BABAM2: variants seen among roughly 807,000 people sequenced by gnomAD.
BABAM2 encodes the protein BRISC and BRCA1 A complex member 2.
In BABAM2, 31 loss-of-function variants were observed where a neutral mutation model predicts 54.7. That is an observed-to-expected ratio of 0.57 (90% CI 0.43 to 0.77). The LOEUF is 0.77. BABAM2 is among the 30% of genes least tolerant of loss of function. The pLI, the probability that BABAM2 is intolerant of heterozygous loss-of-function variation, is 0.00. For synonymous variants in BABAM2, 167 were observed against 162.9 expected, an observed-to-expected ratio of 1.03 and a Z score of -0.19; for missense variants, 364 against 455.8, an observed-to-expected ratio of 0.80 and a Z score of 1.83.
At chr2:27,971,568 G>A (rs534082239) in intron 3 of BABAM2, among the ~76,000 whole-genome samples, 8 of 151,896 alleles carry the variant, frequency 5.3e-5, no homozygotes, top group African/African-American at 1.4e-4. Flanking sequence ...ATCTCACTAC[G>A]ATATTTCATT....
chr2:28,225,796 C>T (rs1408824096), intron 7 of BABAM2, among the ~76,000 whole-genome samples: 1 of 151,792 alleles, frequency 6.6e-6, no homozygotes, highest in African/African-American at 2.4e-5. Flanking sequence ...AAAGCTAATT[C>T]CTGTGGTTTA....
At chr2:28,070,087 T>C (rs976777569) in intron 6 of BABAM2, among the ~76,000 whole-genome samples, 1 of 152,230 alleles carries the variant, frequency 6.6e-6, no homozygotes, top group African/African-American at 2.4e-5. Context: ...TACTGTGATT[T>C]ATATATCAAA....
intron 5 of BABAM2, among the ~76,000 whole-genome samples, chr2:28,030,289 A>G (rs745806180): frequency 7.9e-5 from 12 of 152,156 alleles, no homozygotes; most frequent in Non-Finnish European, 1.5e-4. Flanking sequence ...AATGTTACCG[A>G]TATTCCTTTC....
intron 4 of BABAM2, among the ~76,000 whole-genome samples, chr2:28,010,713 A>G (rs1198669039): frequency 2.0e-5 from 3 of 152,178 alleles, no homozygotes; most frequent in Non-Finnish European, 4.4e-5. Flanking sequence ...TCCAGAATTG[A>G]GCATCAGACA....
At chr2:28,315,066 AGGG>A (rs1689408725) in intron 11 of BABAM2, among the ~76,000 whole-genome samples, 1 of 82,000 alleles carries the variant, frequency 1.2e-5, no homozygotes, top group East Asian at 4.0e-4. Flanking sequence ...GGGAGGGGAA[AGGG>A]GGGAGGGAAG....
intron 7 of BABAM2, among the ~76,000 whole-genome samples, chr2:28,235,125 C>T (rs915059535): frequency 1.3e-5 from 2 of 152,144 alleles, no homozygotes; most frequent in African/African-American, 2.4e-5. Context: ...TTGTGTCACT[C>T]GAGATTTTGT....
intron 2 of BABAM2, among the ~76,000 whole-genome samples, chr2:27,900,563 G>A (rs544072543): frequency 5.9e-5 from 9 of 152,240 alleles, no homozygotes; most frequent in Admixed American, 6.5e-5. Flanking sequence ...ATGTAATGTA[G>A]TAAGTAGGAT....
At chr2:28,226,142 C>T (rs1053702722) in intron 7 of BABAM2, among the ~76,000 whole-genome samples, 5 of 152,282 alleles carry the variant, frequency 3.3e-5, no homozygotes, top group East Asian at 1.9e-4. Context: ...GGAACACAGC[C>T]GTGCTCATTC....
chr2:28,030,618 G>C (rs1573434413), intron 5 of BABAM2, among the ~76,000 whole-genome samples: 1 of 152,188 alleles, frequency 6.6e-6, no homozygotes, highest in African/African-American at 2.4e-5. Flanking sequence ...TGCTAATGGA[G>C]GAAAAATATA....
chr2:27,969,499 G>A (rs1418335820), intron 3 of BABAM2, among the ~76,000 whole-genome samples: 1 of 152,166 alleles, frequency 6.6e-6, no homozygotes, highest in Non-Finnish European at 1.5e-5. Context: ...CAAGGAAGTT[G>A]TTTACACATC....
intron 3 of BABAM2, among the ~76,000 whole-genome samples, chr2:27,965,964 G>A (rs987551782): frequency 2.0e-5 from 3 of 151,542 alleles, no homozygotes; most frequent in Admixed American, 6.6e-5. Context: ...AAGAAGCTGG[G>A]CCATTTGTTC....
intron 11 of BABAM2, among the ~76,000 whole-genome samples, chr2:28,314,845 G>C (rs1689379366): frequency 6.6e-6 from 1 of 151,862 alleles, no homozygotes; most frequent in Admixed American, 6.6e-5. Flanking sequence ...AGAGAGGGGA[G>C]GACACTCCTC....
intron 3 of BABAM2, among the ~76,000 whole-genome samples, chr2:27,987,381 T>A (rs1672473974): frequency 6.6e-6 from 1 of 152,232 alleles, no homozygotes; most frequent in African/African-American, 2.4e-5. Context: ...CAGGCAGTGA[T>A]TGGACAGTAA....
chr2:28,147,951 CACCCCCTA>C (rs1018281039), intron 7 of BABAM2, among the ~76,000 whole-genome samples: 15 of 152,140 alleles, frequency 9.9e-5, no homozygotes, highest in African/African-American at 3.4e-4. Context: ...ACATTTCATA[CACCCCCTA>C]ATGGGATATT....
chr2:27,953,026 C>T lies in BABAM2; in HGVS notation c.205+23118C>T, dbSNP rs546739216. ...GTGGCTCTACCCTTCACACTTCTCT[C>T]TCTCTCTTTTTTTGAAACAAGGTCC... is the stretch of plus-strand genomic sequence containing the variant. On this transcript the variant is annotated intron_variant, in intron 3 of 11. Transcript: ENST00000379624. Among the ~76,000 whole-genome samples the T allele has an allele frequency of 1.3e-3, 200 of 152,184 alleles. 2 individuals carry two copies. The highest frequency in any genetic ancestry group is 3.2e-4 in the Non-Finnish European group (22 of 67,998).
At chr2:28,160,915 A>G (rs1673026621) in intron 7 of BABAM2, among the ~76,000 whole-genome samples, 1 of 152,196 alleles carries the variant, frequency 6.6e-6, no homozygotes, top group Non-Finnish European at 1.5e-5. Flanking sequence ...GAAGATTTCT[A>G]CTATCTATGC....
chr2:28,212,257 G>A (rs956770340), intron 7 of BABAM2, among the ~76,000 whole-genome samples: 3 of 152,136 alleles, frequency 2.0e-5, no homozygotes, highest in Non-Finnish European at 2.9e-5. Flanking sequence ...CATTTATTCA[G>A]CATTTGAGTG....
intron 11 of BABAM2, chr2:28,310,278 A>G: frequency 6.3e-6 from 6 of 952,362 alleles, no homozygotes; most frequent in African/African-American, 1.6e-5. Context: ...GCCACTCACC[A>G]TCCTCTCAGC....
chr2:28,197,584 T>C (rs1245243532), intron 7 of BABAM2, among the ~76,000 whole-genome samples: 2 of 152,198 alleles, frequency 1.3e-5, no homozygotes, highest in Non-Finnish European at 2.9e-5. Context: ...ATGAGATAGA[T>C]AAATTGCTGT....
Sources: allele counts gnomAD v4.1 joint callset (sites outside exome capture counted in the v4.1 genomes callset), GRCh38; gene constraint gnomAD v4.1.1; transcripts MANE v1.5; gene names NCBI Gene and HGNC (gene_info 2026-07-23, HGNC 2026-07-21).